PINX1: variants seen among roughly 807,000 people sequenced by gnomAD.
PINX1 encodes the protein PIN2/TERF1-interacting telomerase inhibitor 1.
Under a neutral mutation model 25.4 loss-of-function variants are expected in PINX1, and 34 were observed. The observed-to-expected ratio is 1.34, with a 90% confidence interval of 1.02 to 1.78. PINX1 has a LOEUF of 1.78. Among genes scored for constraint, PINX1 ranks in the 40% most tolerant of loss-of-function variants. The pLI, the probability that PINX1 is intolerant of heterozygous loss-of-function variation, is 0.00. For missense variants in PINX1, 592 were observed against 404.9 expected (o/e 1.46, Z -3.97); for synonymous variants, 197 against 147.7 (o/e 1.33, Z -2.42).
intron 6 of PINX1, among the ~76,000 whole-genome samples, chr8:10,817,884 T>G (rs894465041): frequency 4.0e-5 from 6 of 151,838 alleles, no homozygotes; most frequent in African/African-American, 1.5e-4. Flanking sequence ...CAACCCTCGC[T>G]CCTTACTGAA....
chr8:10,828,085 C>T (rs1408931192), intron 4 of PINX1, among the ~76,000 whole-genome samples: 2 of 152,014 alleles, frequency 1.3e-5, no homozygotes, highest in East Asian at 3.9e-4. Context: ...AGGTATAGTT[C>T]CCTATGGGAA....
At chr8:10,770,696 T>G (rs965311928) in intron 6 of PINX1, among the ~76,000 whole-genome samples, 3 of 152,130 alleles carry the variant, frequency 2.0e-5, no homozygotes, top group Admixed American at 2.0e-4. Context: ...GGCAAGGAAA[T>G]GAAGCAGTTT....
chr8:10,838,939 T>C (rs913311038), intron 1 of PINX1, among the ~76,000 whole-genome samples: 1 of 152,226 alleles, frequency 6.6e-6, no homozygotes, highest in African/African-American at 2.4e-5. Context: ...ACAGCACTTA[T>C]TTCACAAAAT....
At chr8:10,807,248 T>A (rs1802479580) in intron 6 of PINX1, among the ~76,000 whole-genome samples, 1 of 151,290 alleles carries the variant, frequency 6.6e-6, no homozygotes, top group African/African-American at 2.4e-5. Context: ...ACATAGCTCT[T>A]GAAAATTAAA....
At chr8:10,810,472 A>C (rs113757764) in intron 6 of PINX1, among the ~76,000 whole-genome samples, 1 of 152,200 alleles carries the variant, frequency 6.6e-6, no homozygotes, top group African/African-American at 2.4e-5. Flanking sequence ...CTCAGTGAGC[A>C]TGAGCAGCTC....
At position 10,802,071 on chromosome 8, in the gene PINX1, A is replaced by G. The variant is rs182442092; in HGVS notation, c.471+18122T>C. ...GAAGATGTACAAAGAAGAAAAAGCA[A>G]AGGGCCCAAATGATTCAAAGAAATG... On this transcript the variant is annotated intron_variant, in intron 6 of 6. Coordinates refer to ENST00000314787, the MANE Select transcript of PINX1 (RefSeq NM_017884.6). Among the ~76,000 whole-genome samples the G allele has an allele frequency of 3.9e-4, 60 of 152,286 alleles. 2 individuals carry two copies. Among genetic ancestry groups the G allele is most frequent in the Admixed American group, 3.3e-3 (50 of 15,298 alleles).
intron 6 of PINX1, among the ~76,000 whole-genome samples, chr8:10,802,651 G>A (rs1802305486): frequency 6.6e-6 from 1 of 152,070 alleles, no homozygotes; most frequent in African/African-American, 2.4e-5. Context: ...CAGAGGGCAG[G>A]GGCCCGGTGG....
intron 4 of PINX1, 64 bp from the exon 5 acceptor site, chr8:10,826,308 C>T: frequency 1.2e-6 from 1 of 862,874 alleles, no homozygotes; most frequent in Non-Finnish European, 1.8e-6. Flanking sequence ...ATTCTCCTAA[C>T]AGTGGATAGT....
chr8:10,769,801 C>A (rs73200740), intron 6 of PINX1, among the ~76,000 whole-genome samples: 24,529 of 152,180 alleles, frequency 0.16, 2,502 homozygotes, highest in Non-Finnish European at 0.23. Flanking sequence ...CCCTGTACCA[C>A]AGGACCCCGA....
chr8:10,789,538 T>C (rs901498229), intron 6 of PINX1, among the ~76,000 whole-genome samples: 7 of 152,190 alleles, frequency 4.6e-5, no homozygotes. Context: ...TTACTCATCT[T>C]AGCCTCTGTC....
At chr8:10,833,027 G>T (rs779336904) in intron 2 of PINX1, 43 bp from the exon 3 acceptor site, 1 of 1,256,868 alleles carries the variant, frequency 8.0e-7, no homozygotes, top group South Asian at 1.3e-5. Flanking sequence ...TCCTCTCACT[G>T]ATACTCAGAA....
chr8:10,776,929 T>C, intron 6 of PINX1, among the ~76,000 whole-genome samples: 1 of 152,218 alleles, frequency 6.6e-6, no homozygotes, highest in East Asian at 1.9e-4. Context: ...GAATGTTATT[T>C]CTGCTTTCCT....
chr8:10,786,229 C>A (rs1801743335), intron 6 of PINX1, among the ~76,000 whole-genome samples: 1 of 152,224 alleles, frequency 6.6e-6, no homozygotes, highest in South Asian at 2.1e-4. Flanking sequence ...TTTCTTGGGA[C>A]TGACAAACCT....
intron 6 of PINX1, among the ~76,000 whole-genome samples, chr8:10,811,892 G>C (rs1253256440): frequency 6.6e-6 from 1 of 152,224 alleles, no homozygotes; most frequent in Non-Finnish European, 1.5e-5. Flanking sequence ...GGGTAGAGGG[G>C]AGGGGGCCAG....
chr8:10,769,380 A>C (rs1358561200), intron 6 of PINX1, among the ~76,000 whole-genome samples: 1 of 152,194 alleles, frequency 6.6e-6, no homozygotes, highest in East Asian at 1.9e-4. Context: ...TGTGTCAAAA[A>C]CATTTGATGA....
chr8:10,801,563 C>T (rs1226434702), intron 6 of PINX1, among the ~76,000 whole-genome samples: 1 of 152,168 alleles, frequency 6.6e-6, no homozygotes, highest in African/African-American at 2.4e-5. Context: ...CTCTATAAAC[C>T]TCAGTTTCCT....
intron 1 of PINX1, among the ~76,000 whole-genome samples, chr8:10,837,860 A>T (rs73662642): frequency 6.6e-6 from 1 of 152,236 alleles, no homozygotes; most frequent in Non-Finnish European, 1.5e-5. Flanking sequence ...ACACTAAATT[A>T]AATTTGGCCT....
At chr8:10,797,385 C>T (rs1802119347) in intron 6 of PINX1, among the ~76,000 whole-genome samples, 2 of 152,230 alleles carry the variant, frequency 1.3e-5, no homozygotes, top group South Asian at 2.1e-4. Context: ...GACACTTCTA[C>T]TGCACTTAGC....
chr8:10,786,125 G>A (rs1052004343), intron 6 of PINX1, among the ~76,000 whole-genome samples: 4 of 152,076 alleles, frequency 2.6e-5, no homozygotes, highest in African/African-American at 9.7e-5. Context: ...CATTTTCATC[G>A]ATTCAAAATG....
Sources: allele counts gnomAD v4.1 joint callset (sites outside exome capture counted in the v4.1 genomes callset), GRCh38; gene constraint gnomAD v4.1.1; transcripts MANE v1.5; gene names NCBI Gene and HGNC (gene_info 2026-07-23, HGNC 2026-07-21).